PLXDC1: variants seen among roughly 807,000 people sequenced by gnomAD.
PLXDC1 encodes the protein plexin domain containing 1, also known as plexin domain-containing protein 1.
In PLXDC1, 39 loss-of-function variants were observed where a neutral mutation model predicts 61.3. The observed-to-expected ratio is 0.64, with a 90% CI of 0.49 to 0.83. PLXDC1 has a LOEUF of 0.83. Among genes scored for constraint, PLXDC1 ranks in the 40% least tolerant of loss-of-function variants. The probability of loss-of-function intolerance (pLI) is 0.00; values close to 1 mark genes in which losing one functional copy is unlikely to be tolerated. For missense variants in PLXDC1, 596 were observed against 666.5 expected, an observed-to-expected ratio of 0.89 and a Z score of 1.17; for synonymous variants, 212 against 254.5, an observed-to-expected ratio of 0.83 and a Z score of 1.59.
Position 39,108,281 on chromosome 17 carries a change from T to C in PLXDC1, c.470-36A>G, listed in dbSNP as rs755839478. 4 of 1,612,092 alleles carry C rather than the reference T, an allele frequency of 2.5e-6. No individual in the cohort carries two copies. The East Asian group carries it at 6.7e-5, about 27-fold the overall frequency. On this transcript the variant is annotated intron_variant, in intron 4 of 13. Transcript: ENST00000315392. ...AGAGGTGCAGAGGAGTCACCAGAAATGGCCCAGAGGGGCCGCTTTGGGGGC... is the reference window on the plus strand; with the variant it reads ...AGAGGTGCAGAGGAGTCACCAGAAACGGCCCAGAGGGGCCGCTTTGGGGGC...
chr17:39,114,331 G>A (rs1031072851), intron 2 of PLXDC1, among the ~76,000 whole-genome samples: 8 of 152,108 alleles, frequency 5.3e-5, no homozygotes, highest in African/African-American at 1.4e-4. Flanking sequence ...CCTTGGTGCC[G>A]CCTGTGCCTC....
intron 2 of PLXDC1, among the ~76,000 whole-genome samples, chr17:39,135,155 A>G (rs561831234): frequency 6.6e-6 from 1 of 152,110 alleles, no homozygotes; most frequent in Non-Finnish European, 1.5e-5. Flanking sequence ...TGACATCTGC[A>G]CTCTCCAGAT....
chr17:39,087,696 C>T lies in PLXDC1; in HGVS notation c.818G>A (p.Arg273Gln), dbSNP rs757980543. 34 of 1,612,736 alleles carry T rather than the reference C, an allele frequency of 2.1e-5. No individual in the cohort carries two copies. The highest frequency in any genetic ancestry group is 4.4e-5 in the South Asian group (4 of 90,982). ...LNPSPDVPESRRRSIFEYHRI... is the reference protein window; with the variant it reads ...LNPSPDVPESQRRSIFEYHRI... Reference sequence around the variant, plus strand: ...GTGATATTCAAAGATGCTCCTTCGCCGAGATTCTGAAACAGAGGCAGAGCC... The same window carrying T: ...GTGATATTCAAAGATGCTCCTTCGCTGAGATTCTGAAACAGAGGCAGAGCC... The change falls in exon 8 of 14, where the codon CGG (arginine) becomes CAG (glutamine). Residue 273 changes from arginine to glutamine, a missense_variant. Arg to Gln is a conservative substitution (Grantham distance 43). Coordinates refer to ENST00000315392, the MANE Select transcript of PLXDC1 (RefSeq NM_020405.5).
intron 2 of PLXDC1, among the ~76,000 whole-genome samples, chr17:39,124,009 C>G (rs1156386399): frequency 6.6e-6 from 1 of 152,118 alleles, no homozygotes; most frequent in African/African-American, 2.4e-5. Context: ...ATCCCAGTCC[C>G]TGCCCTTCGA....
chr17:39,094,039 C>T (rs1281760757), intron 7 of PLXDC1, among the ~76,000 whole-genome samples: 2 of 152,188 alleles, frequency 1.3e-5, no homozygotes. Context: ...AAGAAAGACC[C>T]TTTGCCAAGC....
At chr17:39,073,949 G>T (rs994134875) in intron 11 of PLXDC1, among the ~76,000 whole-genome samples, 4 of 152,092 alleles carry the variant, frequency 2.6e-5, no homozygotes, top group Admixed American at 1.3e-4. Context: ...TTAAATCCAG[G>T]CCCCATGTCT....
At chr17:39,078,183 A>G (rs921499314) in intron 10 of PLXDC1, 135 bp from the exon 11 acceptor site, 3 of 844,510 alleles carry the variant, frequency 3.6e-6, no homozygotes, top group Non-Finnish European at 5.4e-6. Context: ...TGAGATGCCA[A>G]TCTTAAATAA....
chr17:39,096,163 T>G (rs1479961259), intron 7 of PLXDC1, among the ~76,000 whole-genome samples: 1 of 152,208 alleles, frequency 6.6e-6, no homozygotes, highest in Non-Finnish European at 1.5e-5. Context: ...CTTCATGCAT[T>G]CTTTTGTTCC....
chr17:39,077,740 C>T (rs1203274113), intron 11 of PLXDC1, among the ~76,000 whole-genome samples, 173 bp downstream of exon 11: 3 of 152,212 alleles, frequency 2.0e-5, no homozygotes, highest in African/African-American at 7.2e-5. Flanking sequence ...CTCTGCTTCT[C>T]ACCAGCAAGT....
chr17:39,102,089 G>A lies in PLXDC1; in HGVS notation c.811+3765C>T, dbSNP rs141661303. Reference sequence around the variant, plus strand: ...CATTCACCAGCCCCTTGACCCTTGAGTGCCACCCACCCCACCCACAGATCT... The same window carrying A: ...CATTCACCAGCCCCTTGACCCTTGAATGCCACCCACCCCACCCACAGATCT... On this transcript the variant is annotated intron_variant, in intron 7 of 13. Transcript: ENST00000315392. Among the ~76,000 whole-genome samples the A allele has an allele frequency of 5.9e-5, 9 of 152,284 alleles. No homozygotes were observed. In the East Asian group the frequency reaches 1.7e-3, roughly 29 times the overall value.
chr17:39,089,221 C>T (rs1909862380), intron 7 of PLXDC1, among the ~76,000 whole-genome samples: 1 of 152,182 alleles, frequency 6.6e-6, no homozygotes, highest in African/African-American at 2.4e-5. Flanking sequence ...TGAACCACAG[C>T]TGCCATCTTC....
rs116342719 is a variant in PLXDC1 at position 39,101,833 on chromosome 17, C to T, written c.811+4021G>A. 1.3e-3 allele frequency among the ~76,000 whole-genome samples: 200 copies of T among 152,244 alleles called. 2 individuals are homozygous for T. The highest frequency in any genetic ancestry group is 4.3e-3 in the African/African-American group (179 of 41,546). On this transcript the variant is annotated intron_variant, in intron 7 of 13. Coordinates refer to ENST00000315392, the MANE Select transcript of PLXDC1 (RefSeq NM_020405.5). Reference sequence around the variant, plus strand: ...ATGCCCTGCCCTCTGCCATCTCCCTCGATATCATGCAGTGTTGCGTGGGAA... The same window carrying T: ...ATGCCCTGCCCTCTGCCATCTCCCTTGATATCATGCAGTGTTGCGTGGGAA...
intron 7 of PLXDC1, among the ~76,000 whole-genome samples, chr17:39,103,641 T>C (rs1910498733): frequency 1.3e-5 from 2 of 149,030 alleles, no homozygotes; most frequent in African/African-American, 2.5e-5. Context: ...AGGTCAGGAG[T>C]TTGAGACCAG....
chr17:39,083,988 C>G (rs532344168), intron 8 of PLXDC1, among the ~76,000 whole-genome samples: 1 of 152,286 alleles, frequency 6.6e-6, no homozygotes, highest in Non-Finnish European at 1.5e-5. Flanking sequence ...GCAGTGAGAC[C>G]TAGTCCCTGC....
At chr17:39,108,880 C>G in intron 4 of PLXDC1, 24 bp downstream of exon 4, 1 of 1,585,048 alleles carries the variant, frequency 6.3e-7, no homozygotes, top group Non-Finnish European at 8.7e-7. Context: ...AGACTCTCCC[C>G]GGGGCCCCAC....
chr17:39,116,704 CG>C (rs1274847229), intron 2 of PLXDC1, among the ~76,000 whole-genome samples: 1 of 152,224 alleles, frequency 6.6e-6, no homozygotes, highest in Non-Finnish European at 1.5e-5. Context: ...AGCTTCAACA[CG>C]GAGGACATGT....
At chr17:39,109,216 A>T in intron 3 of PLXDC1, 32 bp downstream of exon 3, 1 of 1,592,054 alleles carries the variant, frequency 6.3e-7, no homozygotes, top group South Asian at 1.1e-5. Flanking sequence ...CTCCCAGCAC[A>T]GGGAAGCATG....
At position 39,069,926 on chromosome 17, in the gene PLXDC1, G is replaced by T. The variant is rs764949516; in HGVS notation, c.1313C>A (p.Ala438Glu). The T allele has an allele frequency of 1.2e-6, 2 of 1,613,286 alleles. No homozygotes were observed. Among genetic ancestry groups the T allele is most frequent in the South Asian group, 2.2e-5 (2 of 91,058 alleles). Reference sequence around the variant, plus strand: ...GTAAATTCCAGCCAGGATGATGGCCGCCACGAGGAGGACTGCCAGCACGAT... The same window carrying T: ...GTAAATTCCAGCCAGGATGATGGCCTCCACGAGGAGGACTGCCAGCACGAT... ...VGIVLAVLLV[A>E]AIILAGIYIN... The change falls in exon 13 of 14, where the codon GCG (alanine) becomes GAG (glutamate). Residue 438 changes from alanine to glutamate, a missense_variant. Transcript: ENST00000315392.
intron 9 of PLXDC1, among the ~76,000 whole-genome samples, chr17:39,083,235 C>T (rs1281221107): frequency 6.6e-6 from 1 of 152,168 alleles, no homozygotes; most frequent in Non-Finnish European, 1.5e-5. Flanking sequence ...CCAGGATGAA[C>T]CCTCTCCTCC....
Sources: allele counts gnomAD v4.1 joint callset (sites outside exome capture counted in the v4.1 genomes callset), GRCh38; gene constraint gnomAD v4.1.1; transcripts MANE v1.5; gene names NCBI Gene and HGNC (gene_info 2026-07-23, HGNC 2026-07-21).